The following SEL1L2 variants were observed in gnomAD, a reference collection of about 807,000 sequenced individuals.
SEL1L2 encodes the protein protein sel-1 homolog 2.
In SEL1L2, 89 loss-of-function variants were observed where a neutral mutation model predicts 98.8. The observed-to-expected ratio is 0.90, with a 90% CI of 0.76 to 1.07. The LOEUF is 1.07. Among genes scored for constraint, SEL1L2 ranks in the 50% least tolerant of loss-of-function variants. SEL1L2 has a pLI of 0.00. For missense variants in SEL1L2, 788 were observed against 812.0 expected, an observed-to-expected ratio of 0.97 and a Z score of 0.36; for synonymous variants, 262 against 278.5, an observed-to-expected ratio of 0.94 and a Z score of 0.59.
At chr20:13,953,802 T>C (rs1407378912) in intron 2 of SEL1L2, among the ~76,000 whole-genome samples, 1 of 152,152 alleles carries the variant, frequency 6.6e-6, no homozygotes, top group Non-Finnish European at 1.5e-5. Context: ...TTTTTCATGG[T>C]CGTGTGACAA....
At chr20:13,930,939 C>T (rs985871431) in intron 3 of SEL1L2, among the ~76,000 whole-genome samples, 5 of 151,894 alleles carry the variant, frequency 3.3e-5, no homozygotes, top group South Asian at 2.1e-4. Flanking sequence ...GGTAACAGCC[C>T]GGGCAACATA....
rs1397421455 is a variant in SEL1L2, at chr20:13,971,475, A to C, written c.59-15344T>G. On this transcript the variant is annotated intron_variant, in intron 1 of 19. Transcript: ENST00000284951. The stretch of plus-strand genomic sequence containing the variant: ...GGGTCTCACTCTGTCATCCAGGCTG[A>C]AGTGCAGTGGCACAGTCTCAGCTCA... Among the ~76,000 whole-genome samples, 7 of 152,064 alleles carry C rather than the reference A, an allele frequency of 4.6e-5. No individual in the cohort carries two copies. The East Asian group carries it at 1.4e-3, about 29-fold the overall frequency.
At chr20:13,962,201 C>G (rs1357661194) in intron 1 of SEL1L2, among the ~76,000 whole-genome samples, 1 of 152,164 alleles carries the variant, frequency 6.6e-6, no homozygotes, top group Non-Finnish European at 1.5e-5. Flanking sequence ...ATCACAACTC[C>G]TTGTATTCAC....
At chr20:13,980,794 A>C (rs1349709268) in intron 1 of SEL1L2, among the ~76,000 whole-genome samples, 1 of 152,204 alleles carries the variant, frequency 6.6e-6, no homozygotes, top group Non-Finnish European at 1.5e-5. Context: ...ACAATGAAAT[A>C]TTATTCAGCC....
At chr20:13,984,199 A>G (rs2052022146) in intron 1 of SEL1L2, among the ~76,000 whole-genome samples, 1 of 151,890 alleles carries the variant, frequency 6.6e-6, no homozygotes, top group Non-Finnish European at 1.5e-5. Flanking sequence ...TTTAGTAGAC[A>G]TGGGGTTTCA....
chr20:13,923,688 A>T (rs1385307655), intron 3 of SEL1L2, among the ~76,000 whole-genome samples: 1 of 152,188 alleles, frequency 6.6e-6, no homozygotes, highest in Non-Finnish European at 1.5e-5. Flanking sequence ...CGGCAGGTGG[A>T]GTTTGCAGTG....
In SEL1L2 at chr20:13,921,716, AT is replaced by A. The variant is rs140610114; in HGVS notation, c.284-2594del. ...AATAAATTTATTTTAAAGCAAAAAA[AT>A]GTATTTATGGAACCGTTTTTCAAAT... On this transcript the variant is annotated intron_variant, in intron 3 of 19. Coordinates refer to ENST00000284951, the MANE Select transcript of SEL1L2 (RefSeq NM_025229.2). 1.1e-3 allele frequency among the ~76,000 whole-genome samples: 160 copies of A among 152,244 alleles called. 1 individual carries two copies. Among genetic ancestry groups the A allele is most frequent in the African/African-American group, 3.6e-3 (151 of 41,550 alleles).
At chr20:13,939,912 C>A (rs1168824436) in intron 2 of SEL1L2, among the ~76,000 whole-genome samples, 1 of 152,066 alleles carries the variant, frequency 6.6e-6, no homozygotes, top group Non-Finnish European at 1.5e-5. Context: ...GGTGATCCAC[C>A]TGCCTCGGCC....
upstream of SEL1L2, among the ~76,000 whole-genome samples, chr20:13,992,713 T>C (rs999579289): frequency 3.9e-5 from 6 of 152,302 alleles, no homozygotes; most frequent in South Asian, 8.3e-4. Context: ...TGGGTGACTT[T>C]ACACAGCAGA....
intron 5 of SEL1L2, among the ~76,000 whole-genome samples, chr20:13,889,179 A>C (rs2047097110): frequency 1.3e-5 from 2 of 150,816 alleles, no homozygotes; most frequent in Admixed American, 1.3e-4. Flanking sequence ...GGCTGGTCTC[A>C]GCTGACCAGA....
Position 13,849,454 on chromosome 20 carries a change from C to A in SEL1L2, c.*31G>T, listed in dbSNP as rs1374469470. ...GGGGATACCTTGGAGTGAACTGATTCCCGTGAGCAGGTTTTCCTGTGATCC... is the reference window on the plus strand; with the variant it reads ...GGGGATACCTTGGAGTGAACTGATTACCGTGAGCAGGTTTTCCTGTGATCC... On this transcript the variant is annotated 3_prime_UTR_variant, in exon 20 of 20. Coordinates refer to ENST00000284951, the MANE Select transcript of SEL1L2 (RefSeq NM_025229.2). 17 of 1,610,710 alleles carry A rather than the reference C, an allele frequency of 1.1e-5. No individual in the cohort carries two copies. The highest frequency in any genetic ancestry group is 1.4e-5 in the Non-Finnish European group (16 of 1,178,166).
chr20:13,992,157 G>A (rs961465788), upstream of SEL1L2, among the ~76,000 whole-genome samples: 10 of 152,128 alleles, frequency 6.6e-5, no homozygotes, highest in African/African-American at 2.2e-4. Context: ...TATGAAGAAC[G>A]AGAGTGAGTC....
intron 3 of SEL1L2, among the ~76,000 whole-genome samples, chr20:13,924,996 G>C (rs550460182): frequency 6.6e-6 from 1 of 151,962 alleles, no homozygotes; most frequent in Non-Finnish European, 1.5e-5. Context: ...AAAATTAGCC[G>C]GGCATAGTGG....
At chr20:13,931,288 C>A (rs1393999171) in intron 3 of SEL1L2, among the ~76,000 whole-genome samples, 1 of 151,958 alleles carries the variant, frequency 6.6e-6, no homozygotes, top group Non-Finnish European at 1.5e-5. Context: ...CCCCAGCCTC[C>A]CAAAGTGCTG....
chr20:13,924,451 G>C lies in SEL1L2; in HGVS notation c.284-5328C>G, dbSNP rs527386476. 6.0e-5 allele frequency among the ~76,000 whole-genome samples: 9 copies of C among 150,794 alleles called. No individual in the cohort carries two copies. The South Asian group carries it at 1.7e-3, about 28-fold the overall frequency. ...TTTTCTTTTTTTTTTTAAGAGACAG[G>C]GTCTCACTCTGTTGCCTAGGGCAGA... On this transcript the variant is annotated intron_variant, in intron 3 of 19. Transcript: ENST00000284951.
chr20:13,900,149 A>G (rs527944873), intron 5 of SEL1L2, among the ~76,000 whole-genome samples: 1 of 152,246 alleles, frequency 6.6e-6, no homozygotes, highest in South Asian at 2.1e-4. Flanking sequence ...TTCCATAGTT[A>G]TAGGTCTAGT....
intron 19 of SEL1L2, 82 bp downstream of exon 19, chr20:13,850,109 C>T: frequency 6.5e-7 from 1 of 1,538,942 alleles, no homozygotes; most frequent in South Asian, 1.2e-5. Flanking sequence ...AAGAGACTCC[C>T]TGATGGGCCT....
chr20:13,858,152 T>C (rs892987441), intron 18 of SEL1L2, among the ~76,000 whole-genome samples: 1 of 152,264 alleles, frequency 6.6e-6, no homozygotes, highest in Non-Finnish European at 1.5e-5. Context: ...CAGGGATCCA[T>C]ACCGCTGAAT....
chr20:13,886,887 C>CAA (rs11475673), intron 8 of SEL1L2, among the ~76,000 whole-genome samples: 3 of 130,376 alleles, frequency 2.3e-5, no homozygotes. Context: ...TACTCTGTCT[C>CAA]AAAAAAAAAA....
Sources: gnomAD v4.1 joint callset for allele counts (sites outside exome capture counted in the v4.1 genomes callset) on GRCh38, gnomAD v4.1.1 for gene constraint, MANE v1.5 for transcripts, NCBI Gene and HGNC (gene_info 2026-07-23, HGNC 2026-07-21) for gene names.